The following GPX7 variants were observed in gnomAD, a reference collection of about 807,000 sequenced individuals.
GPX7 encodes the protein glutathione peroxidase 7, also known as protein peroxidase GPX7.
GPX7 carries 21 observed loss-of-function variants against 23.7 expected under a neutral mutation model. That is an observed-to-expected ratio of 0.89 (90% CI 0.63 to 1.28). GPX7 has a LOEUF of 1.28. Ranked by LOEUF, GPX7 falls within the 50% of genes most tolerant of loss-of-function variation. GPX7 has a pLI of 0.00. For missense variants in GPX7, 238 were observed against 237.3 expected (o/e 1.00, Z -0.02); for synonymous variants, 112 against 101.8 (o/e 1.10, Z -0.61).
At chr1:52,607,122 T>C (rs768946852) in intron 2 of GPX7, 177 bp downstream of exon 2, 48 of 670,366 alleles carry the variant, frequency 7.2e-5, no homozygotes, top group Non-Finnish European at 1.1e-4. Context: ...TGGAGGCAGG[T>C]AGAAGCTGAG....
rs190094210 is a variant in GPX7 at position 52,603,954 on chromosome 1, G to T, written c.138+1407G>T. On this transcript the variant is annotated intron_variant, in intron 1 of 2. Coordinates refer to ENST00000361314, the MANE Select transcript of GPX7 (RefSeq NM_015696.5). ...CTCACCAGAGAGCCCCAGGTTTAGC[G>T]TCTGACCAGCTCTGCTACTTATTAA... 2.6e-4 allele frequency among the ~76,000 whole-genome samples: 40 copies of T among 152,234 alleles called. No homozygotes were observed. In the East Asian group the frequency reaches 4.6e-3, roughly 18 times the overall value.
At position 52,607,805 on chromosome 1, in the gene GPX7, C is replaced by T. The variant is rs1488698596; in HGVS notation, c.401-457C>T. The stretch of plus-strand genomic sequence containing the variant: ...TCAAACCCGGCCTTGCTTTTAGAAG[C>T]ACCTGGGGAGCTCTTAAAAATGCAC... On this transcript the variant is annotated intron_variant, in intron 2 of 2. Coordinates refer to ENST00000361314, the MANE Select transcript of GPX7 (RefSeq NM_015696.5). 2.6e-5 allele frequency among the ~76,000 whole-genome samples: 4 copies of T among 152,168 alleles called. No individual in the cohort carries two copies. The East Asian group carries it at 7.7e-4, about 29-fold the overall frequency.
In GPX7 at chr1:52,606,900, G is replaced by T. The variant is rs1690860597; in HGVS notation, c.355G>T (p.Ala119Ser). The change falls in exon 2 of 3, where the codon GCA (alanine) becomes TCA (serine). Residue 119 changes from alanine to serine, a missense_variant. Ala to Ser is a moderately conservative substitution (Grantham distance 99). Coordinates refer to ENST00000361314, the MANE Select transcript of GPX7 (RefSeq NM_015696.5). ...SVSFPMFSKIAVTGTGAHPAF... is the reference protein window; with the variant it reads ...SVSFPMFSKISVTGTGAHPAF... ...CTCATTCCCCATGTTTAGCAAGATT[G>T]CAGTCACCGGTACTGGTGCCCATCC... is the stretch of plus-strand genomic sequence containing the variant. 6.2e-7 allele frequency: 1 copy of T among 1,614,222 alleles called. No homozygotes were observed. Among genetic ancestry groups the T allele is most frequent in the East Asian group, 2.2e-5 (1 of 44,882 alleles).
chr1:52,606,592 A>G lies in GPX7; in HGVS notation c.139-92A>G. The stretch of plus-strand genomic sequence containing the variant: ...GTGAGGCAGTATTAACTGTTGAGGG[A>G]GTCACATATGTGGATGTGTCAGGGC... On this transcript the variant is annotated intron_variant, in intron 1 of 2. Coordinates refer to ENST00000361314, the MANE Select transcript of GPX7 (RefSeq NM_015696.5). 4 of 1,384,906 alleles carry G rather than the reference A, an allele frequency of 2.9e-6. No individual in the cohort carries two copies. In the South Asian group the frequency reaches 5.2e-5, roughly 18 times the overall value. 85.8% of individuals were successfully genotyped at this position (1,384,906 alleles called of 1,614,324 possible). A position where few individuals can be genotyped will look rare whatever the true frequency, so the allele number is the denominator to read the frequency against.
rs1282391441 is a variant in GPX7 at position 52,608,360 on chromosome 1, G to A, written c.499G>A (p.Glu167Lys). The change falls in exon 3 of 3, where the codon GAG (glutamate) becomes AAG (lysine). Residue 167 changes from glutamate to lysine, a missense_variant. Transcript: ENST00000361314. ...TTGGGACCCAACTGTGTCAGTGGAGGAGGTCAGACCCCAGATCACAGCGCT... is the reference window on the plus strand; with the variant it reads ...TTGGGACCCAACTGTGTCAGTGGAGAAGGTCAGACCCCAGATCACAGCGCT... ...GAWDPTVSVE[E>K]VRPQITALVR... is the part of the protein sequence containing the mutation. 1.2e-6 allele frequency: 2 copies of A among 1,613,994 alleles called. No individual in the cohort carries two copies. Among genetic ancestry groups the A allele is most frequent in the Admixed American group, 1.7e-5 (1 of 59,980 alleles).
chr1:52,604,900 C>T (rs1296095224), intron 1 of GPX7, among the ~76,000 whole-genome samples: 1 of 152,032 alleles, frequency 6.6e-6, no homozygotes, highest in Admixed American at 6.6e-5. Flanking sequence ...CAAAAATTAG[C>T]TGGGCATGGT....
At chr1:52,605,045 TAAAAAAAAAAA>T (rs59749784) in intron 1 of GPX7, among the ~76,000 whole-genome samples, 1 of 83,672 alleles carries the variant, frequency 1.2e-5, no homozygotes, top group South Asian at 5.0e-4. Context: ...ACTCTGTCTT[TAAAAAAAAAAA>T]AAAAAAAAAA....
chr1:52,605,729 G>C lies in GPX7; in HGVS notation c.139-955G>C, dbSNP rs563416380. 7.2e-5 allele frequency among the ~76,000 whole-genome samples: 11 copies of C among 152,340 alleles called. No homozygotes were observed. In the South Asian group the frequency reaches 2.3e-3, roughly 32 times the overall value. Reference sequence around the variant, plus strand: ...CATGACTGTAATCCTAGCACTTTGAGAGGCTTAGCTGGTAGGATTGCCTGA... The same window carrying C: ...CATGACTGTAATCCTAGCACTTTGACAGGCTTAGCTGGTAGGATTGCCTGA... On this transcript the variant is annotated intron_variant, in intron 1 of 2. Transcript: ENST00000361314.
At chr1:52,602,612 C>A in intron 1 of GPX7, 65 bp downstream of exon 1, 2 of 1,061,394 alleles carry the variant, frequency 1.9e-6, no homozygotes, top group Non-Finnish European at 1.3e-6. Flanking sequence ...CTGCTGGGGA[C>A]GCCCCGCAGC....
intron 1 of GPX7, among the ~76,000 whole-genome samples, chr1:52,603,258 A>G (rs1333957150): frequency 6.6e-6 from 1 of 151,842 alleles, no homozygotes; most frequent in Non-Finnish European, 1.5e-5. Flanking sequence ...GAGGGAATCT[A>G]AGCTCAGAGA....
Position 52,606,890 on chromosome 1 carries a change from T to G in GPX7, c.345T>G (p.Phe115Leu). ...RRTYSVSFPM[F>L]SKIAVTGTGA... ...CCTACAGTGTCTCATTCCCCATGTT[T>G]AGCAAGATTGCAGTCACCGGTACTG... Residue 115 changes from phenylalanine (F) to leucine (L), a missense_variant, in exon 2 of 3, where the codon TTT becomes TTG. Physicochemically the swap from Phe to Leu is conservative, Grantham distance 22. Coordinates refer to ENST00000361314, the MANE Select transcript of GPX7 (RefSeq NM_015696.5). 6.2e-7 allele frequency: 1 copy of G among 1,614,200 alleles called. No individual in the cohort carries two copies. Among genetic ancestry groups the G allele is most frequent in the East Asian group, 2.2e-5 (1 of 44,880 alleles).
At position 52,606,540 on chromosome 1, in the gene GPX7, A is replaced by G. The variant is rs186911138; in HGVS notation, c.139-144A>G. ...GTGAGAGCACTGGACACACATTTAC[A>G]TATGTGTACACAGTGTTCTTGTATG... is the stretch of plus-strand genomic sequence containing the variant. On this transcript the variant is annotated intron_variant, in intron 1 of 2. Coordinates refer to ENST00000361314, the MANE Select transcript of GPX7 (RefSeq NM_015696.5). 115 of 837,846 alleles carry G rather than the reference A, an allele frequency of 1.4e-4. No individual in the cohort carries two copies. The East Asian group carries it at 2.6e-3, about 19-fold the overall frequency. The allele number at this position is 837,846 out of a possible 1,614,324, so 51.9% of individuals were successfully genotyped here. A position where few individuals can be genotyped will look rare whatever the true frequency, so the allele number is the denominator to read the frequency against.
chr1:52,606,379 G>A (rs1464619318), intron 1 of GPX7, among the ~76,000 whole-genome samples: 3 of 152,118 alleles, frequency 2.0e-5, no homozygotes, highest in Non-Finnish European at 2.9e-5. Context: ...TGTTTGTATC[G>A]TGGTGCATGT....
At chr1:52,603,225 G>C (rs1690820924) in intron 1 of GPX7, among the ~76,000 whole-genome samples, 1 of 152,172 alleles carries the variant, frequency 6.6e-6, no homozygotes, top group Admixed American at 6.5e-5. Flanking sequence ...AGTCATCCAG[G>C]CTAATTGCCC....
At chr1:52,602,668 G>A in intron 1 of GPX7, 121 bp downstream of exon 1, 1 of 346,878 alleles carries the variant, frequency 2.9e-6, no homozygotes, top group Non-Finnish European at 4.6e-6. Flanking sequence ...CAGCCGCGCG[G>A]CCGCCAAACC....
chr1:52,609,040 G>A lies in GPX7; in HGVS notation c.*615G>A, dbSNP rs1238860818. On this transcript the variant is annotated 3_prime_UTR_variant, in exon 3 of 3. Coordinates refer to ENST00000361314, the MANE Select transcript of GPX7 (RefSeq NM_015696.5). ...CTCACGATATAAAATAAAAATGAAA[G>A]TATCCTCCTCATTTTCCATAGTCTC... The A allele has an allele frequency of 6.6e-6, 1 of 152,188 alleles. No individual in the cohort carries two copies. Among genetic ancestry groups the A allele is most frequent in the African/African-American group, 2.4e-5 (1 of 41,444 alleles). The allele number at this position is 152,188 out of a possible 1,614,324, so 9.4% of individuals were successfully genotyped here. A position where few individuals can be genotyped will look rare whatever the true frequency, so the allele number is the denominator to read the frequency against.
chr1:52,602,739 C>T (rs1225143575), intron 1 of GPX7, among the ~76,000 whole-genome samples, 192 bp downstream of exon 1: 1 of 151,224 alleles, frequency 6.6e-6, no homozygotes, highest in Non-Finnish European at 1.5e-5. Context: ...GCGCCCGGCC[C>T]GGCCCGGCCC....
chr1:52,606,586 T>G (rs1690854626), intron 1 of GPX7, 98 bp from the exon 2 acceptor site: 1 of 1,350,876 alleles, frequency 7.4e-7, no homozygotes, highest in African/African-American at 1.4e-5. Flanking sequence ...TATTAACTGT[T>G]GAGGGAGTCA....
chr1:52,602,418 G>C lies in GPX7; in HGVS notation c.9G>C (p.Ala3=), dbSNP rs549558774. 9.3e-6 allele frequency: 14 copies of C among 1,511,890 alleles called. No homozygotes were observed. In the Admixed American group the frequency reaches 1.1e-4, roughly 12 times the overall value. 93.7% of individuals were successfully genotyped at this position (1,511,890 alleles called of 1,614,324 possible). A position where few individuals can be genotyped will look rare whatever the true frequency, so the allele number is the denominator to read the frequency against. MV[A]ATVAAAWLLL... ...CACCTCCGGAACAAGCCATGGTGGCGGCGACGGTGGCAGCGGCGTGGCTGC... is the reference window on the plus strand; with the variant it reads ...CACCTCCGGAACAAGCCATGGTGGCCGCGACGGTGGCAGCGGCGTGGCTGC... Residue 3 remains alanine (A), a synonymous_variant, in exon 1 of 3, where the codon GCG becomes GCC. Transcript: ENST00000361314.
Sources: allele counts gnomAD v4.1 joint callset (sites outside exome capture counted in the v4.1 genomes callset), GRCh38; gene constraint gnomAD v4.1.1; transcripts MANE v1.5; gene names NCBI Gene and HGNC (gene_info 2026-07-23, HGNC 2026-07-21).